SI: variants seen among roughly 807,000 people sequenced by gnomAD.
The protein encoded by SI is sucrase-isomaltase, intestinal.
SI carries 235 observed loss-of-function variants against 253.3 expected under a neutral mutation model. The observed-to-expected ratio is 0.93, with a 90% confidence interval of 0.83 to 1.03. SI has a LOEUF of 1.03. Among genes scored for constraint, SI ranks in the 50% least tolerant of loss-of-function variants. The pLI is 0.00. For synonymous variants in SI, 819 were observed against 712.0 expected (o/e 1.15, Z -2.39); for missense variants, 2,442 against 2,211.1 (o/e 1.10, Z -2.09).
intron 19 of SI, 134 bp from the exon 20 acceptor site, chr3:165,039,268 TAATC>T: frequency 1.6e-6 from 1 of 627,304 alleles, no homozygotes; most frequent in East Asian, 2.8e-5. Context: ...CTATAGATAA[TAATC>T]AAAGGGCTAT....
chr3:165,070,154 T>C (rs1430738867), intron 3 of SI, among the ~76,000 whole-genome samples: 1 of 140,614 alleles, frequency 7.1e-6, no homozygotes, highest in Non-Finnish European at 1.5e-5. Context: ...GTATATTTAT[T>C]ATATATAAAA....
intron 27 of SI, 85 bp from the exon 28 acceptor site, chr3:165,019,855 T>A (rs1022499925): frequency 1.7e-6 from 2 of 1,211,006 alleles, no homozygotes; most frequent in Non-Finnish European, 2.4e-6. Flanking sequence ...CTTTCTTAGA[T>A]TATCTAAAAA....
chr3:165,053,880 T>C (rs1331690990), intron 13 of SI, among the ~76,000 whole-genome samples: 2 of 152,022 alleles, frequency 1.3e-5, no homozygotes, highest in Non-Finnish European at 1.5e-5. Context: ...AAAATAAAGC[T>C]CAAGATCACA....
At chr3:165,068,671 C>A (rs766434614) in intron 5 of SI, 51 bp downstream of exon 5, 1 of 1,340,672 alleles carries the variant, frequency 7.5e-7, no homozygotes, top group Non-Finnish European at 1.1e-6. Flanking sequence ...CCGCGCCCAG[C>A]CCATCAAATG....
intron 27 of SI, among the ~76,000 whole-genome samples, chr3:165,020,594 T>A (rs183123400): frequency 8.1e-4 from 123 of 151,740 alleles, no homozygotes; most frequent in African/African-American, 2.8e-3. Flanking sequence ...CAGATATAGT[T>A]TTAGATATTA....
rs748381479 is a variant in SI at position 165,015,274 on chromosome 3, A to C, written c.3889-41T>G. 2.2e-6 allele frequency: 3 copies of C among 1,361,310 alleles called. No homozygotes were observed. In the South Asian group the frequency reaches 3.5e-5, roughly 16 times the overall value. 84.3% of individuals were successfully genotyped at this position (1,361,310 alleles called of 1,614,324 possible). On this transcript the variant is annotated intron_variant, in intron 32 of 47. Coordinates refer to ENST00000264382, the MANE Select transcript of SI (RefSeq NM_001041.4). Reference sequence around the variant, plus strand: ...AATATAAACAAGGTACACATGAAAAAAGCGTAACTACTTGGACAGTGATTA... The same window carrying C: ...AATATAAACAAGGTACACATGAAAACAGCGTAACTACTTGGACAGTGATTA...
intron 16 of SI, among the ~76,000 whole-genome samples, chr3:165,044,495 A>G (rs2108224945): frequency 6.6e-6 from 1 of 151,992 alleles, no homozygotes; most frequent in East Asian, 1.9e-4. Context: ...TTTTACTTGC[A>G]TTTCTCTGAT....
At chr3:165,081,648 T>TA (rs1433751744), upstream of SI, among the ~76,000 whole-genome samples, 1 of 151,848 alleles carries the variant, frequency 6.6e-6, no homozygotes, top group Non-Finnish European at 1.5e-5. Context: ...TATTAAATAA[T>TA]AAAAAATGTT....
chr3:165,081,073 A>C (rs1474578104), upstream of SI, among the ~76,000 whole-genome samples: 1 of 151,924 alleles, frequency 6.6e-6, no homozygotes, highest in Non-Finnish European at 1.5e-5. Flanking sequence ...AACCTCAATC[A>C]ATCGAATAAG....
rs59796544 is a variant in SI at position 165,073,170 on chromosome 3, T to TTC, written c.255+1359_255+1360dup. Among the ~76,000 whole-genome samples, 333 of 131,970 alleles carry TTC rather than the reference T, an allele frequency of 2.5e-3. 2 individuals carry two copies. The highest frequency in any genetic ancestry group is 4.1e-3 in the Middle Eastern group (1 of 242). The allele number at this position is 131,970 out of a possible 152,430, so 86.6% of individuals were successfully genotyped here. A position where few individuals can be genotyped will look rare whatever the true frequency, so the allele number is the denominator to read the frequency against. ...GAATTCTATGTTTAGCTTCAATCAT[T>TTC]TCTCTCTCTCTCTCTCTCTCTCTCT... On this transcript the variant is annotated intron_variant, in intron 3 of 47. Transcript: ENST00000264382.
Position 165,043,163 on chromosome 3 carries a change from T to C in SI, c.1900A>G (p.Ile634Val), listed in dbSNP as rs369736185. ...LFGIPLVGAD[I>V]CGFVAETTEE... is the part of the protein sequence containing the mutation. ...GTGGTTTCAGCCACAAATCCACAGA[T>C]GTCTGCTCCAACCTAAATAACAAAT... Residue 634 changes from isoleucine to valine, a missense_variant, in exon 17 of 48, where the codon ATC becomes GTC. By Grantham distance (29) the Ile-to-Val change is conservative (BLOSUM62 3). Coordinates refer to ENST00000264382, the MANE Select transcript of SI (RefSeq NM_001041.4). 1.2e-6 allele frequency: 2 copies of C among 1,607,540 alleles called. No individual in the cohort carries two copies. Among genetic ancestry groups the C allele is most frequent in the Non-Finnish European group, 1.7e-6 (2 of 1,174,824 alleles).
At chr3:165,049,340 T>C in intron 14 of SI, 96 bp from the exon 15 acceptor site, 1 of 784,624 alleles carries the variant, frequency 1.3e-6, no homozygotes, top group South Asian at 1.6e-5. Context: ...TCATTTGTGT[T>C]ATGAAATTCC....
intron 2 of SI, among the ~76,000 whole-genome samples, chr3:165,075,343 T>C (rs764287967): frequency 9.2e-5 from 14 of 151,960 alleles, no homozygotes; most frequent in Non-Finnish European, 1.8e-4. Context: ...GAGAGAATAA[T>C]GAAGAAAGAG....
the SI span, among the ~76,000 whole-genome samples, chr3:165,087,697 C>A: frequency 6.6e-6 from 1 of 152,126 alleles, no homozygotes; most frequent in East Asian, 1.9e-4. Flanking sequence ...ACCTCAGGCT[C>A]CACTATCCTA....
intron 47 of SI, among the ~76,000 whole-genome samples, chr3:164,981,177 A>T (rs1010323679): frequency 3.3e-5 from 5 of 152,028 alleles, no homozygotes; most frequent in African/African-American, 1.2e-4. Context: ...AAAGTTGGGA[A>T]ATTTTATTTT....
intron 19 of SI, 87 bp downstream of exon 19, chr3:165,039,800 C>T: frequency 2.2e-6 from 2 of 915,778 alleles, no homozygotes; most frequent in South Asian, 1.3e-5. Context: ...CACTGAGTAA[C>T]ATCTATTATT....
In SI at chr3:164,979,292, A is replaced by C; in HGVS notation, c.*70T>G. On this transcript the variant is annotated 3_prime_UTR_variant, in exon 48 of 48. Coordinates refer to ENST00000264382, the MANE Select transcript of SI (RefSeq NM_001041.4). ...AGTACAAGAACCAAGTGAAGAGGGA[A>C]AATTGTAAGTGCTGTGAAACTTAAA... 1.1e-6 allele frequency: 1 copy of C among 908,714 alleles called. No individual in the cohort carries two copies. The highest frequency in any genetic ancestry group is 1.3e-5 in the South Asian group (1 of 77,228). The allele number at this position is 908,714 out of a possible 1,614,324, so 56.3% of individuals were successfully genotyped here.
chr3:165,062,207 G>A lies in SI; in HGVS notation c.1020+164C>T, dbSNP rs560265982. 4.6e-5 allele frequency among the ~76,000 whole-genome samples: 7 copies of A among 151,014 alleles called. No homozygotes were observed. In the East Asian group the frequency reaches 1.4e-3, roughly 29 times the overall value. ...AGTATATGTAGAGTTCATTGTATAG[G>A]GGAAAAAAAAAACACCCAGCTGCAT... On this transcript the variant is annotated intron_variant, in intron 9 of 47. Coordinates refer to ENST00000264382, the MANE Select transcript of SI (RefSeq NM_001041.4).
Position 164,979,108 on chromosome 3 carries a change from A to G in SI, c.*254T>C. On this transcript the variant is annotated 3_prime_UTR_variant, in exon 48 of 48. Coordinates refer to ENST00000264382, the MANE Select transcript of SI (RefSeq NM_001041.4). ...ATACATGTTTAGTAACTAGTTTACA[A>G]TTGTAGCTGATACTTAACAAGGATA... is the stretch of plus-strand genomic sequence containing the variant. 1 of 398,534 alleles carries G rather than the reference A, an allele frequency of 2.5e-6. No individual in the cohort carries two copies. The highest frequency in any genetic ancestry group is 4.6e-6 in the Non-Finnish European group (1 of 218,988). The allele number at this position is 398,534 out of a possible 1,614,324, so 24.7% of individuals were successfully genotyped here.
Sources: allele counts gnomAD v4.1 joint callset (sites outside exome capture counted in the v4.1 genomes callset), GRCh38; gene constraint gnomAD v4.1.1; transcripts MANE v1.5; gene names NCBI Gene and HGNC (gene_info 2026-07-23, HGNC 2026-07-21).